MAST4: variants seen among roughly 807,000 people sequenced by gnomAD.
MAST4 encodes the protein microtubule associated serine/threonine kinase family member 4.
A neutral mutation model predicts 162.7 loss-of-function variants in MAST4; 89 were observed. The ratio of observed to expected loss-of-function variants is 0.55; its 90% CI spans 0.46 to 0.65. MAST4 has a LOEUF of 0.65. Among genes scored for constraint, MAST4 ranks in the 30% least tolerant of loss-of-function variants. The pLI is 0.00. For missense variants in MAST4, 3,153 were observed against 3,374.0 expected, an observed-to-expected ratio of 0.93 and a Z score of 1.62; for synonymous variants, 1,479 against 1,361.1, an observed-to-expected ratio of 1.09 and a Z score of -1.91.
At chr5:66,929,850 G>A (rs1405513477) in intron 4 of MAST4, among the ~76,000 whole-genome samples, 3 of 152,170 alleles carry the variant, frequency 2.0e-5, no homozygotes, top group Non-Finnish European at 4.4e-5. Context: ...ACTGCAAGGT[G>A]GAAGTAGCTT....
intron 4 of MAST4, 135 bp from the exon 5 acceptor site, chr5:67,054,269 T>C: frequency 9.5e-6 from 6 of 630,790 alleles, no homozygotes; most frequent in South Asian, 2.3e-5. Flanking sequence ...TATTAGTGAA[T>C]GCATAATTGT....
At chr5:66,641,545 A>G (rs1169255813) in intron 1 of MAST4, among the ~76,000 whole-genome samples, 5 of 152,194 alleles carry the variant, frequency 3.3e-5, no homozygotes. Flanking sequence ...GAGCATCCCT[A>G]GTGCTCAGAT....
intron 3 of MAST4, among the ~76,000 whole-genome samples, chr5:66,886,015 C>T (rs745529162): frequency 5.9e-5 from 9 of 152,098 alleles, no homozygotes; most frequent in African/African-American, 1.4e-4. Context: ...CAATATCCAG[C>T]GATGCAAGAA....
intron 1 of MAST4, among the ~76,000 whole-genome samples, chr5:66,674,590 C>T (rs1747831414): frequency 6.6e-6 from 1 of 152,196 alleles, no homozygotes; most frequent in Non-Finnish European, 1.5e-5. Context: ...TACATGAGTT[C>T]AGAGTCTCTC....
intron 4 of MAST4, among the ~76,000 whole-genome samples, chr5:67,031,805 A>G (rs1755362613): frequency 6.6e-6 from 1 of 152,038 alleles, no homozygotes; most frequent in African/African-American, 2.4e-5. Context: ...CTGCCTAGTG[A>G]CCTATTCATA....
At chr5:66,636,596 A>G (rs1427537960) in intron 1 of MAST4, among the ~76,000 whole-genome samples, 1 of 152,192 alleles carries the variant, frequency 6.6e-6, no homozygotes, top group Non-Finnish European at 1.5e-5. Context: ...GGTAGATTCC[A>G]TAATCCTGTA....
chr5:67,150,708 C>T (rs190562808), intron 24 of MAST4, among the ~76,000 whole-genome samples: 2 of 152,234 alleles, frequency 1.3e-5, no homozygotes, highest in Non-Finnish European at 2.9e-5. Context: ...GAAGTGGGGG[C>T]CTGGCCTTTC....
intron 3 of MAST4, among the ~76,000 whole-genome samples, chr5:66,833,177 G>T (rs919768629): frequency 2.0e-5 from 3 of 152,064 alleles, no homozygotes; most frequent in Non-Finnish European, 2.9e-5. Context: ...TGGCTCTCTG[G>T]TGTAATTGTT....
At chr5:67,067,245 C>T (rs1304141737) in intron 5 of MAST4, among the ~76,000 whole-genome samples, 2 of 152,134 alleles carry the variant, frequency 1.3e-5, no homozygotes, top group Admixed American at 6.5e-5. Flanking sequence ...AACACTGGAC[C>T]GCAGGGTAAA....
chr5:66,600,733 G>A (rs1468840771), intron 1 of MAST4, among the ~76,000 whole-genome samples: 2 of 152,290 alleles, frequency 1.3e-5, no homozygotes, highest in Middle Eastern at 3.4e-3. Context: ...ATTTTTCCAG[G>A]TAAATTTTGA....
rs768123594 is a variant in MAST4 at position 67,136,594 on chromosome 5, A to T, written c.2424A>T (p.Ala808=). ...DEINWPEKDE[A]PPPDAQDLIT... is the part of the protein sequence containing the mutation. ...TCAACTGGCCTGAGAAGGATGAGGCACCCCCACCTGATGCCCAGGATCTGA... is the reference window on the plus strand; with the variant it reads ...TCAACTGGCCTGAGAAGGATGAGGCTCCCCCACCTGATGCCCAGGATCTGA... The change falls in exon 19 of 29, where the codon GCA becomes GCT. Residue 808 remains alanine (A), a synonymous_variant. Transcript: ENST00000403625. 8 of 1,606,560 alleles carry T rather than the reference A, an allele frequency of 5.0e-6. No individual in the cohort carries two copies. In the Admixed American group the frequency reaches 1.3e-4, roughly 27 times the overall value.
intron 3 of MAST4, among the ~76,000 whole-genome samples, chr5:66,835,400 T>C (rs868347108): frequency 1.3e-5 from 2 of 152,308 alleles, no homozygotes; most frequent in African/African-American, 4.8e-5. Flanking sequence ...TAGATAAAAT[T>C]AGCCACCACT....
At chr5:67,090,001 C>T (rs368174629) in intron 5 of MAST4, among the ~76,000 whole-genome samples, 161 bp from the exon 6 acceptor site, 30 of 152,104 alleles carry the variant, frequency 2.0e-4, no homozygotes, top group South Asian at 1.2e-3. Flanking sequence ...TCCTCCCCAC[C>T]GCCCACCCCA....
chr5:66,806,691 T>C (rs951256356), intron 3 of MAST4, among the ~76,000 whole-genome samples: 2 of 152,234 alleles, frequency 1.3e-5, no homozygotes, highest in African/African-American at 4.8e-5. Context: ...GTTCTTAAAC[T>C]GGAGAAAAAT....
At chr5:66,804,652 G>A (rs1265365550) in intron 3 of MAST4, among the ~76,000 whole-genome samples, 3 of 152,194 alleles carry the variant, frequency 2.0e-5, no homozygotes, top group Non-Finnish European at 2.9e-5. Flanking sequence ...AGTGGGAAGG[G>A]TGTATTTGCT....
chr5:66,783,501 G>A (rs1754972874), intron 2 of MAST4: 1 of 152,110 alleles, frequency 6.6e-6, no homozygotes, highest in African/African-American at 2.4e-5. Flanking sequence ...ACCATTACTG[G>A]CAAGGATCTC....
chr5:66,808,292 G>A (rs1260318041), intron 3 of MAST4, among the ~76,000 whole-genome samples: 1 of 152,194 alleles, frequency 6.6e-6, no homozygotes, highest in Non-Finnish European at 1.5e-5. Context: ...GAGGTGAAGT[G>A]TTAAATGGCA....
At chr5:66,605,286 A>G (rs1360547412) in intron 1 of MAST4, among the ~76,000 whole-genome samples, 1 of 152,174 alleles carries the variant, frequency 6.6e-6, no homozygotes, top group African/African-American at 2.4e-5. Context: ...GGCCCAGAGA[A>G]AGAAATACAG....
At chr5:67,085,444 C>T (rs1203130950) in intron 5 of MAST4, among the ~76,000 whole-genome samples, 1 of 152,170 alleles carries the variant, frequency 6.6e-6, no homozygotes, top group Non-Finnish European at 1.5e-5. Flanking sequence ...TTATCCCTCT[C>T]TATAGAGTAG....
Sources: gnomAD v4.1 joint callset for allele counts (sites outside exome capture counted in the v4.1 genomes callset) on GRCh38, gnomAD v4.1.1 for gene constraint, MANE v1.5 for transcripts, NCBI Gene and HGNC (gene_info 2026-07-23, HGNC 2026-07-21) for gene names.